The following HCN1 variants were observed in gnomAD, a reference collection of about 807,000 sequenced individuals.
HCN1 encodes the protein potassium/sodium hyperpolarization-activated cyclic nucleotide-gated channel 1.
A neutral mutation model predicts 78.9 loss-of-function variants in HCN1; 13 were observed. The ratio of observed to expected loss-of-function variants is 0.16; its 90% CI spans 0.11 to 0.26. HCN1 has a LOEUF of 0.26. HCN1 is among the 10% of genes least tolerant of loss of function. The pLI is 1.00. For missense variants in HCN1, 810 were observed against 1,154.3 expected, an observed-to-expected ratio of 0.70 and a Z score of 4.32; for synonymous variants, 552 against 455.5, an observed-to-expected ratio of 1.21 and a Z score of -2.70.
At chr5:45,512,481 A>T (rs1742434263) in intron 2 of HCN1, among the ~76,000 whole-genome samples, 1 of 152,238 alleles carries the variant, frequency 6.6e-6, no homozygotes. Flanking sequence ...TTAACAGATT[A>T]GTATGTATAA....
intron 4 of HCN1, among the ~76,000 whole-genome samples, chr5:45,368,719 C>G (rs921717839): frequency 2.6e-5 from 4 of 151,846 alleles, no homozygotes; most frequent in African/African-American, 4.8e-5. Flanking sequence ...TACTAGTGTT[C>G]TGCATATCAG....
intron 2 of HCN1, among the ~76,000 whole-genome samples, chr5:45,525,515 G>C (rs1037635059): frequency 1.3e-5 from 2 of 151,182 alleles, no homozygotes; most frequent in Non-Finnish European, 2.9e-5. Flanking sequence ...AATATATTCC[G>C]TCTGTACAAA....
chr5:45,584,599 T>C (rs1051930798), intron 2 of HCN1, among the ~76,000 whole-genome samples: 3 of 152,204 alleles, frequency 2.0e-5, no homozygotes, highest in African/African-American at 4.8e-5. Flanking sequence ...TTTTGCTCCT[T>C]AGTTGATGCA....
intron 2 of HCN1, among the ~76,000 whole-genome samples, chr5:45,569,652 A>T (rs1326331520): frequency 1.3e-5 from 2 of 152,094 alleles, no homozygotes; most frequent in Non-Finnish European, 1.5e-5. Context: ...AGATTTATTT[A>T]ATATTCCCAG....
chr5:45,257,632 G>T lies in HCN1; in HGVS notation c.*4289C>A, dbSNP rs1744646152. The T allele has an allele frequency of 6.6e-6, 1 of 152,176 alleles. No individual in the cohort carries two copies. Among genetic ancestry groups the T allele is most frequent in the Admixed American group, 6.5e-5 (1 of 15,280 alleles). 9.4% of individuals were successfully genotyped at this position (152,176 alleles called of 1,614,324 possible). A position where few individuals can be genotyped will look rare whatever the true frequency, so the allele number is the denominator to read the frequency against. The stretch of plus-strand genomic sequence containing the variant: ...TCAGCATTAGGGTGAGACAAGAGAT[G>T]CAGGGTTGTGCAAGTGCAGGGTTGT... On this transcript the variant is annotated 3_prime_UTR_variant, in exon 8 of 8. Coordinates refer to ENST00000303230, the MANE Select transcript of HCN1 (RefSeq NM_021072.4).
At chr5:45,545,166 T>C (rs558527731) in intron 2 of HCN1, among the ~76,000 whole-genome samples, 21 of 152,298 alleles carry the variant, frequency 1.4e-4, no homozygotes, top group African/African-American at 3.8e-4. Flanking sequence ...TGGTATCTCA[T>C]TGTGGTTTTG....
At chr5:45,680,192 TTC>T (rs1363639877) in intron 1 of HCN1, among the ~76,000 whole-genome samples, 1 of 152,164 alleles carries the variant, frequency 6.6e-6, no homozygotes, top group Admixed American at 6.6e-5. Context: ...CAGTGGATTT[TTC>T]TCTTTGTACA....
chr5:45,362,611 A>G (rs570953865), intron 4 of HCN1, among the ~76,000 whole-genome samples: 9 of 152,192 alleles, frequency 5.9e-5, no homozygotes, highest in Admixed American at 5.2e-4. Context: ...CTGGCACTCA[A>G]CTAAACCTTT....
chr5:45,284,628 G>A (rs1465402674), intron 6 of HCN1, among the ~76,000 whole-genome samples: 1 of 152,050 alleles, frequency 6.6e-6, no homozygotes, highest in Non-Finnish European at 1.5e-5. Flanking sequence ...TCAAACTTCA[G>A]CCTTCTTGCT....
At chr5:45,614,190 C>T (rs1432383931) in intron 2 of HCN1, among the ~76,000 whole-genome samples, 1 of 152,072 alleles carries the variant, frequency 6.6e-6, no homozygotes, top group Non-Finnish European at 1.5e-5. Flanking sequence ...AAAAGTTCCT[C>T]CCTCAATATC....
At chr5:45,447,283 A>C (rs1352626758) in intron 3 of HCN1, among the ~76,000 whole-genome samples, 1 of 152,132 alleles carries the variant, frequency 6.6e-6, no homozygotes, top group East Asian at 1.9e-4. Context: ...TCTGTCACTT[A>C]GGGTGAAATG....
rs146732784 is a variant in HCN1 at position 45,501,305 on chromosome 5, C to T, written c.850-39298G>A. 3.1e-3 allele frequency among the ~76,000 whole-genome samples: 467 copies of T among 152,114 alleles called. 2 individuals are homozygous for T. The highest frequency in any genetic ancestry group is 5.5e-3 in the Non-Finnish European group (377 of 67,988). On this transcript the variant is annotated intron_variant, in intron 2 of 7. Coordinates refer to ENST00000303230, the MANE Select transcript of HCN1 (RefSeq NM_021072.4). ...ATGTTCAAAAAATAATTTTAAAAAGCTTTATTTTGAAAAGCTAATAGCTAA... is the reference window on the plus strand; with the variant it reads ...ATGTTCAAAAAATAATTTTAAAAAGTTTTATTTTGAAAAGCTAATAGCTAA...
At chr5:45,532,617 A>G (rs1232619803) in intron 2 of HCN1, among the ~76,000 whole-genome samples, 3 of 152,180 alleles carry the variant, frequency 2.0e-5, no homozygotes, top group African/African-American at 4.8e-5. Context: ...AATTAAAACA[A>G]ATAATCAGAG....
intron 1 of HCN1, among the ~76,000 whole-genome samples, chr5:45,682,248 C>G (rs934614693): frequency 1.5e-5 from 2 of 135,382 alleles, no homozygotes; most frequent in Non-Finnish European, 3.1e-5. Flanking sequence ...ACTAAGACAA[C>G]AAGATATCAT....
chr5:45,375,255 A>G (rs1464007773), intron 4 of HCN1, among the ~76,000 whole-genome samples: 1 of 116,030 alleles, frequency 8.6e-6, no homozygotes, highest in African/African-American at 3.6e-5. Flanking sequence ...TATACATAAT[A>G]TAATATTTTA....
At chr5:45,451,922 A>C (rs1740926782) in intron 3 of HCN1, among the ~76,000 whole-genome samples, 1 of 152,146 alleles carries the variant, frequency 6.6e-6, no homozygotes, top group African/African-American at 2.4e-5. Flanking sequence ...GTGATCTCTA[A>C]ATACACATCA....
At chr5:45,496,562 A>G (rs1306094507) in intron 2 of HCN1, among the ~76,000 whole-genome samples, 2 of 151,804 alleles carry the variant, frequency 1.3e-5, no homozygotes, top group Admixed American at 6.6e-5. Context: ...CCCCTTTACC[A>G]TTTTTTATTG....
chr5:45,687,916 A>C (rs963031366), intron 1 of HCN1, among the ~76,000 whole-genome samples: 6 of 152,158 alleles, frequency 3.9e-5, no homozygotes, highest in African/African-American at 1.4e-4. Context: ...CCTGGCTCCA[A>C]GCATCCTAAT....
At chr5:45,408,832 C>CA (rs942400117) in intron 3 of HCN1, among the ~76,000 whole-genome samples, 1 of 152,066 alleles carries the variant, frequency 6.6e-6, no homozygotes, top group South Asian at 2.1e-4. Context: ...AAAGTGAAAA[C>CA]AAAAAACGTT....
Sources: gnomAD v4.1 joint callset for allele counts (sites outside exome capture counted in the v4.1 genomes callset) on GRCh38, gnomAD v4.1.1 for gene constraint, MANE v1.5 for transcripts, NCBI Gene and HGNC (gene_info 2026-07-23, HGNC 2026-07-21) for gene names.